The following DSP variants were observed in gnomAD, a reference collection of about 807,000 sequenced individuals.
DSP encodes the protein desmoplakin.
A neutral mutation model predicts 290.6 loss-of-function variants in DSP; 114 were observed. The observed-to-expected ratio is 0.39, with a 90% CI of 0.34 to 0.46. The LOEUF (loss-of-function observed/expected upper bound fraction) is 0.46, where lower values mean the gene tolerates loss of function less well. Ranked by LOEUF, DSP falls within the 20% of genes least tolerant of loss-of-function variation. DSP has a pLI of 0.99. For synonymous variants in DSP, 1,311 were observed against 1,316.4 expected, an observed-to-expected ratio of 1.00 and a Z score of 0.09; for missense variants, 3,230 against 3,495.8, an observed-to-expected ratio of 0.92 and a Z score of 1.92.
At chr6:7,544,585 T>G (rs776074958) in intron 1 of DSP, among the ~76,000 whole-genome samples, 20 of 152,116 alleles carry the variant, frequency 1.3e-4, no homozygotes, top group Non-Finnish European at 2.6e-4. Flanking sequence ...GCTGAATTAT[T>G]AATAGATTGG....
At position 7,585,326 on chromosome 6, in the gene DSP, G is replaced by T; in HGVS notation, c.8064G>T (p.Leu2688=). The T allele has an allele frequency of 6.2e-7, 1 of 1,614,190 alleles. No individual in the cohort carries two copies. Among genetic ancestry groups the T allele is most frequent in the Non-Finnish European group, 8.5e-7 (1 of 1,180,042 alleles). ...GVIDQDMATR[L]KPAQKAFIGF... Reference sequence around the variant, plus strand: ...TTGACCAAGACATGGCCACCAGGCTGAAGCCTGCTCAGAAAGCCTTCATAG... The same window carrying T: ...TTGACCAAGACATGGCCACCAGGCTTAAGCCTGCTCAGAAAGCCTTCATAG... Residue 2688 remains leucine, a synonymous_variant, in exon 24 of 24, where the codon CTG becomes CTT. Coordinates refer to ENST00000379802, the MANE Select transcript of DSP (RefSeq NM_004415.4).
At position 7,584,024 on chromosome 6, in the gene DSP, C is replaced by T. The variant is rs138683913; in HGVS notation, c.6762C>T (p.Leu2254=). 8.7e-6 allele frequency: 14 copies of T among 1,614,028 alleles called. No homozygotes were observed. The highest frequency in any genetic ancestry group is 6.7e-5 in the Admixed American group (4 of 59,992). Residue 2254 remains leucine, a synonymous_variant, in exon 24 of 24, where the codon CTC becomes CTT. Coordinates refer to ENST00000379802, the MANE Select transcript of DSP (RefSeq NM_004415.4). The surrounding 1 kb of genome is among the most constrained non-coding windows in gnomAD (Gnocchi z 6.4). ...TTGGTGAGAGAATTAAGGACTTCCT[C>T]CAGGGTTCAAGCTGCATAGCAGGCA... is the stretch of plus-strand genomic sequence containing the variant. The part of the protein sequence containing the change: ...DEVGERIKDF[L]QGSSCIAGIY...
chr6:7,575,621 C>G (rs1759216499), intron 18 of DSP, 133 bp downstream of exon 18: 1 of 1,066,852 alleles, frequency 9.4e-7, no homozygotes, highest in Non-Finnish European at 1.4e-6. Flanking sequence ...AACAGATGCT[C>G]TTTTCATGGA....
At chr6:7,557,212 T>C (rs1758528305) in intron 2 of DSP, among the ~76,000 whole-genome samples, 2 of 152,226 alleles carry the variant, frequency 1.3e-5, no homozygotes, top group African/African-American at 4.8e-5. Flanking sequence ...AAAGCCTTTT[T>C]AAATTTTGAA....
intron 1 of DSP, among the ~76,000 whole-genome samples, chr6:7,544,565 C>T (rs934780721): frequency 2.0e-5 from 3 of 150,548 alleles, no homozygotes; most frequent in African/African-American, 7.3e-5. Flanking sequence ...TCAAAAACTG[C>T]TACTTTATGG....
intron 11 of DSP, among the ~76,000 whole-genome samples, chr6:7,568,822 T>G (rs1367818966): frequency 6.6e-6 from 1 of 152,214 alleles, no homozygotes; most frequent in African/African-American, 2.4e-5. Context: ...TCGCAAGGCT[T>G]AATACTTTTC....
intron 20 of DSP, 43 bp from the exon 21 acceptor site, chr6:7,577,736 A>T: frequency 6.9e-7 from 1 of 1,453,134 alleles, no homozygotes; most frequent in South Asian, 1.1e-5. Flanking sequence ...GATGCTTTTT[A>T]AGTCTATGAA....
chr6:7,570,459 A>G lies in DSP; in HGVS notation c.1597A>G (p.Ile533Val), dbSNP rs1210503344. ...TAGGATTGAGCAGTACTACGAAGCCATCTTGGCTCTGTGGAACCAGCTCTA... is the reference window on the plus strand; with the variant it reads ...TAGGATTGAGCAGTACTACGAAGCCGTCTTGGCTCTGTGGAACCAGCTCTA... ...SCKIEQYYEA[I>V]LALWNQLYIN... Residue 533 changes from isoleucine (I) to valine (V), a missense_variant, in exon 13 of 24, where the codon ATC becomes GTC. Around this residue, in one of 5 missense-constraint regions of DSP, gnomAD observed 646 missense variants for 684.3 expected, o/e 0.94. Coordinates refer to ENST00000379802, the MANE Select transcript of DSP (RefSeq NM_004415.4). 3 of 1,614,162 alleles carry G rather than the reference A, an allele frequency of 1.9e-6. No homozygotes were observed. In the South Asian group the frequency reaches 3.3e-5, roughly 18 times the overall value.
intron 1 of DSP, among the ~76,000 whole-genome samples, chr6:7,548,475 G>A (rs954228273): frequency 1.5e-4 from 23 of 152,004 alleles, no homozygotes; most frequent in African/African-American, 4.6e-4. Flanking sequence ...GTCACAGGCT[G>A]TATAACTGGA....
chr6:7,579,492 A>G lies in DSP; in HGVS notation c.3302A>G (p.Tyr1101Cys). Residue 1101 changes from tyrosine to cysteine, a missense_variant, in exon 23 of 24, where the codon TAC (tyrosine) becomes TGC (cysteine). This residue lies in a region of DSP where 1,714 missense variants were observed against 1,844.5 expected (regional missense o/e 0.93). Transcript: ENST00000379802. This position sits in a 1 kb window ranked among gnomAD's most constrained non-coding sequence, Gnocchi z 4.1. ...KSAKQNLDKC[Y>C]GQIKELNEKI... is the part of the protein sequence containing the mutation. ...GCTAAGCAAAATCTAGACAAGTGCT[A>G]CGGCCAAATAAAAGAACTCAATGAG... 1 of 1,613,994 alleles carries G rather than the reference A, an allele frequency of 6.2e-7. No homozygotes were observed. The highest frequency in any genetic ancestry group is 1.1e-5 in the South Asian group (1 of 91,080).
At chr6:7,570,116 G>A (rs1037456078) in intron 12 of DSP, among the ~76,000 whole-genome samples, 9 of 152,132 alleles carry the variant, frequency 5.9e-5, no homozygotes, top group Non-Finnish European at 1.5e-5. Context: ...GTGTGCTCAT[G>A]ACCAAGCTTT....
chr6:7,562,802 T>C, intron 5 of DSP, 22 bp downstream of exon 5: 2 of 1,613,780 alleles, frequency 1.2e-6, no homozygotes, highest in African/African-American at 1.3e-5. Flanking sequence ...TGTTTCATTT[T>C]AGAGTCTTCA....
rs918001818 is a variant in DSP at position 7,582,882 on chromosome 6, A to G, written c.5620A>G (p.Lys1874Glu). Residue 1874 changes from lysine (K) to glutamate (E), a missense_variant, in exon 24 of 24, where the codon AAG (lysine) becomes GAG (glutamate). Around this residue, in one of 5 missense-constraint regions of DSP, gnomAD observed 1,714 missense variants for 1,844.5 expected, o/e 0.93. Transcript: ENST00000379802. This position sits in a 1 kb window ranked among gnomAD's most constrained non-coding sequence, Gnocchi z 4.2. ...LNQWKTQYSR[K>E]EEAIRKIESE... is the part of the protein sequence containing the mutation. Reference sequence around the variant, plus strand: ...TCAGTGGAAGACTCAATATTCCCGCAAGGAGGAGGCTATTAGGAAGATAGA... The same window carrying G: ...TCAGTGGAAGACTCAATATTCCCGCGAGGAGGAGGCTATTAGGAAGATAGA... 1.2e-6 allele frequency: 2 copies of G among 1,614,006 alleles called. No individual in the cohort carries two copies. The highest frequency in any genetic ancestry group is 1.7e-6 in the Non-Finnish European group (2 of 1,180,044).
In DSP at chr6:7,585,887, T is replaced by A. The variant is rs11558732; in HGVS notation, c.*9T>A. 12,903 of 1,612,636 alleles carry A rather than the reference T, an allele frequency of 8.0e-3. 75 individuals carry two copies. Among genetic ancestry groups the A allele is most frequent in the Non-Finnish European group, 8.9e-3 (10,546 of 1,179,210 alleles). ...GTTCTATTGGGCACTAGTAGTCAGT[T>A]GGGAGTGGTTGCTATACCTTGACTT... On this transcript the variant is annotated 3_prime_UTR_variant, in exon 24 of 24. Coordinates refer to ENST00000379802, the MANE Select transcript of DSP (RefSeq NM_004415.4).
rs562557683 is a variant in DSP, at chr6:7,563,440, G to A, written c.727-296G>A. ...TCTCCTTCATTTCTCTAAGACCTAG[G>A]GAATCCTAAATGATGTCTTTAAACT... On this transcript the variant is annotated intron_variant, in intron 5 of 23. Coordinates refer to ENST00000379802, the MANE Select transcript of DSP (RefSeq NM_004415.4). Among the ~76,000 whole-genome samples, 453 of 151,906 alleles carry A rather than the reference G, an allele frequency of 3.0e-3. 3 individuals are homozygous for A. Among genetic ancestry groups the A allele is most frequent in the African/African-American group, 0.01 (433 of 41,406 alleles).
At chr6:7,566,026 G>T (rs1456102655) in intron 7 of DSP, among the ~76,000 whole-genome samples, 1 of 152,180 alleles carries the variant, frequency 6.6e-6, no homozygotes. Context: ...TAATATCCCA[G>T]AAGACCGTAG....
At position 7,570,422 on chromosome 6, in the gene DSP, C is replaced by G. The variant is rs369184165; in HGVS notation, c.1575-15C>G. On this transcript the variant is annotated splice_polypyrimidine_tract_variant and intron_variant, in intron 12 of 23. Coordinates refer to ENST00000379802, the MANE Select transcript of DSP (RefSeq NM_004415.4). ...AAAGCCTGGCTCTAGCATGTTTTCC[C>G]TTTGTGCCTCTTAGGATTGAGCAGT... The G allele has an allele frequency of 1.6e-4, 258 of 1,613,970 alleles. No homozygotes were observed. Among genetic ancestry groups the G allele is most frequent in the Non-Finnish European group, 2.2e-4 (256 of 1,180,028 alleles).
At chr6:7,578,106 G>A (rs1759301942) in intron 21 of DSP, among the ~76,000 whole-genome samples, 1 of 152,162 alleles carries the variant, frequency 6.6e-6, no homozygotes. Context: ...AAATGATCAG[G>A]AATGTGTTAT....
At chr6:7,555,946 T>G (rs910041553) in intron 2 of DSP, 126 bp downstream of exon 2, 11 of 799,314 alleles carry the variant, frequency 1.4e-5, no homozygotes, top group African/African-American at 1.2e-4. Flanking sequence ...AGACACGCTT[T>G]TTCAGAACAG....
Sources: gnomAD v4.1 joint callset for allele counts (sites outside exome capture counted in the v4.1 genomes callset) on GRCh38, gnomAD v4.1.1 for gene constraint, gnomAD v4.1.1 regional missense constraint, Gnocchi (gnomAD v3.1) non-coding constraint, MANE v1.5 for transcripts, NCBI Gene and HGNC (gene_info 2026-07-23, HGNC 2026-07-21) for gene names.